ADRA1B: variants seen among roughly 807,000 people sequenced by gnomAD.
ADRA1B encodes alpha-1B adrenergic receptor.
A neutral mutation model predicts 17.9 loss-of-function variants in ADRA1B; 17 were observed. That is an observed-to-expected ratio of 0.95 (90% confidence interval 0.65 to 1.42). ADRA1B has a LOEUF of 1.42. Ranked by LOEUF, ADRA1B falls within the 40% of genes most tolerant of loss-of-function variation. ADRA1B has a pLI of 0.00. For synonymous variants in ADRA1B, 366 were observed against 327.6 expected (o/e 1.12, Z -1.27); for missense variants, 681 against 722.1 (o/e 0.94, Z 0.65).
intron 1 of ADRA1B, among the ~76,000 whole-genome samples, chr5:159,953,145 G>A (rs1755479082): frequency 1.3e-5 from 2 of 152,182 alleles, no homozygotes; most frequent in African/African-American, 4.8e-5. Context: ...TGGATCACCT[G>A]AGGTCGGAAA....
At chr5:159,912,028 G>A (rs993329081), upstream of ADRA1B, among the ~76,000 whole-genome samples, 1 of 152,142 alleles carries the variant, frequency 6.6e-6, no homozygotes, top group Non-Finnish European at 1.5e-5. Context: ...ACCTCATAAT[G>A]TTATCATTAG....
chr5:159,958,446 A>AT, intron 1 of ADRA1B, among the ~76,000 whole-genome samples: 1 of 152,112 alleles, frequency 6.6e-6, no homozygotes, highest in Admixed American at 6.6e-5. Context: ...CTGCCCTAGG[A>AT]TTTTTTTTAA....
In ADRA1B at chr5:159,964,735, G is replaced by C. The variant is rs568314951; in HGVS notation, c.950-7144G>C. The stretch of plus-strand genomic sequence containing the variant: ...GGAGACCATAATTCAGCTGGTATTG[G>C]AAAGAGCAGTAGGGTAAGTCTCAAT... On this transcript the variant is annotated intron_variant, in intron 1 of 1. Coordinates refer to ENST00000306675, the MANE Select transcript of ADRA1B (RefSeq NM_000679.4). Among the ~76,000 whole-genome samples, 114 of 152,296 alleles carry C rather than the reference G, an allele frequency of 7.5e-4. 1 individual carries two copies. Among genetic ancestry groups the C allele is most frequent in the African/African-American group, 2.6e-3 (107 of 41,560 alleles).
chr5:159,967,409 C>A (rs1755795013), intron 1 of ADRA1B, among the ~76,000 whole-genome samples: 1 of 152,058 alleles, frequency 6.6e-6, no homozygotes, highest in Non-Finnish European at 1.5e-5. Flanking sequence ...GAGCTGAGTT[C>A]CTGGAAGAGA....
At chr5:159,911,589 T>C (rs1754228432), upstream of ADRA1B, among the ~76,000 whole-genome samples, 1 of 152,198 alleles carries the variant, frequency 6.6e-6, no homozygotes, top group African/African-American at 2.4e-5. Flanking sequence ...GCTGTATGAC[T>C]GGCAGTTCTG....
At chr5:159,908,692 A>G (rs1284026694) in intron 1 of ADRA1B, among the ~76,000 whole-genome samples, 1 of 152,184 alleles carries the variant, frequency 6.6e-6, no homozygotes, top group Non-Finnish European at 1.5e-5. Context: ...AGCGATTAAG[A>G]CATACCACGG....
intron 1 of ADRA1B, among the ~76,000 whole-genome samples, chr5:159,965,011 CT>C (rs1755748878): frequency 6.6e-6 from 1 of 152,216 alleles, no homozygotes; most frequent in Non-Finnish European, 1.5e-5. Context: ...TAAGGATCTT[CT>C]CCAAGGTCGC....
intron 1 of ADRA1B, chr5:159,870,976 T>C (rs1047835213): frequency 4.6e-5 from 7 of 152,158 alleles, no homozygotes; most frequent in South Asian, 2.1e-4. Flanking sequence ...ATCTTCCACA[T>C]TGGACTCACA....
intron 1 of ADRA1B, among the ~76,000 whole-genome samples, chr5:159,945,554 G>T (rs1224217885): frequency 2.0e-5 from 3 of 152,122 alleles, no homozygotes. Context: ...ATGGCAGCCA[G>T]AGTGCTGGAC....
At chr5:159,889,583 G>T (rs1753960633) in intron 1 of ADRA1B, among the ~76,000 whole-genome samples, 2 of 152,262 alleles carry the variant, frequency 1.3e-5, no homozygotes, top group South Asian at 4.1e-4. Flanking sequence ...AGACAGAGAG[G>T]TTCCATCCTG....
intron 1 of ADRA1B, among the ~76,000 whole-genome samples, chr5:159,971,015 T>G (rs761653348): frequency 5.0e-4 from 76 of 152,298 alleles, no homozygotes; most frequent in Non-Finnish European, 9.1e-4. Context: ...CTGCCCCGGC[T>G]GGTCTCAATC....
intron 1 of ADRA1B, among the ~76,000 whole-genome samples, chr5:159,866,140 A>AAT (rs1186987138): frequency 2.0e-5 from 3 of 151,892 alleles, no homozygotes; most frequent in Non-Finnish European, 2.9e-5. Context: ...CATATCTACA[A>AAT]ATATATATAT....
At chr5:159,898,754 A>G (rs1754063149) in intron 1 of ADRA1B, among the ~76,000 whole-genome samples, 1 of 152,194 alleles carries the variant, frequency 6.6e-6, no homozygotes, top group African/African-American at 2.4e-5. Context: ...CTGAGAAGAG[A>G]CTTGGAAGGG....
intron 1 of ADRA1B, chr5:159,948,209 T>G: frequency 8.1e-6 from 8 of 985,458 alleles, no homozygotes; most frequent in Non-Finnish European, 9.6e-6. Context: ...ACAGGGCTTC[T>G]GGAGTCCTCC....
rs777582523 is a variant in ADRA1B at position 159,972,040 on chromosome 5, GGCCGCCGCCGACGCC to G, written c.1122_1136del (p.Arg376_Arg380del). On this transcript the variant is annotated inframe_deletion, in exon 2 of 2. Transcript: ENST00000306675. ...CCTCGGGTGCCAGTGCCGCGGCCGC[GGCCGCCGCCGACGCC>G]GCCGCCGCCGTCGCCTGGGCGGCTG... 5 of 1,378,398 alleles carry G rather than the reference GGCCGCCGCCGACGCC, an allele frequency of 3.6e-6. No individual in the cohort carries two copies. The highest frequency in any genetic ancestry group is 1.9e-5 in the South Asian group (1 of 51,308). The allele number at this position is 1,378,398 out of a possible 1,614,324, so 85.4% of individuals were successfully genotyped here.
intron 1 of ADRA1B, chr5:159,871,020 A>G (rs1393631649): frequency 1.3e-5 from 2 of 152,188 alleles, no homozygotes; most frequent in Non-Finnish European, 2.9e-5. Flanking sequence ...CTGTGGGAAG[A>G]CCATAGAAGA....
At chr5:159,868,707 A>T (rs1264073198) in intron 1 of ADRA1B, 1 of 152,214 alleles carries the variant, frequency 6.6e-6, no homozygotes, top group Non-Finnish European at 1.5e-5. Context: ...GATCATTTAG[A>T]CCAATACTCA....
the ADRA1B span, among the ~76,000 whole-genome samples, chr5:159,984,905 A>G: frequency 2.4e-5 from 2 of 84,842 alleles, no homozygotes; most frequent in Non-Finnish European, 4.2e-5. Flanking sequence ...ACTCTATCTC[A>G]AAAAAAAAAA....
chr5:159,894,003 G>T (rs1754013588), intron 1 of ADRA1B, among the ~76,000 whole-genome samples: 1 of 152,294 alleles, frequency 6.6e-6, no homozygotes, highest in East Asian at 1.9e-4. Flanking sequence ...CACTAAGATA[G>T]ACCCAGTTTC....
Sources: gnomAD v4.1 joint callset for allele counts (sites outside exome capture counted in the v4.1 genomes callset) on GRCh38, gnomAD v4.1.1 for gene constraint, MANE v1.5 for transcripts, NCBI Gene and HGNC (gene_info 2026-07-23, HGNC 2026-07-21) for gene names.